Variants in DLGAP4 observed in about 807,000 individuals in gnomAD.
DLGAP4 encodes the protein disks large-associated protein 4.
DLGAP4 carries 18 observed loss-of-function variants against 86.9 expected under a neutral mutation model. The observed-to-expected ratio is 0.21, with a 90% confidence interval of 0.14 to 0.31. The LOEUF (loss-of-function observed/expected upper bound fraction) is 0.31, where lower values mean the gene tolerates loss of function less well. DLGAP4 is among the 10% of genes least tolerant of loss of function. The pLI is 1.00. For missense variants in DLGAP4, 1,085 were observed against 1,362.6 expected, an observed-to-expected ratio of 0.80 and a Z score of 3.21; for synonymous variants, 548 against 574.3, an observed-to-expected ratio of 0.95 and a Z score of 0.65.
chr20:36,510,281 T>G (rs1024231299), intron 10 of DLGAP4, among the ~76,000 whole-genome samples: 1 of 151,878 alleles, frequency 6.6e-6, no homozygotes. Flanking sequence ...AATTTTATTT[T>G]TTTGGCGAGT....
intron 7 of DLGAP4, among the ~76,000 whole-genome samples, chr20:36,488,685 C>G (rs1257895496): frequency 2.0e-5 from 3 of 151,502 alleles, no homozygotes; most frequent in Non-Finnish European, 4.4e-5. Flanking sequence ...TCAAGTGATT[C>G]TCCCACCTCA....
intron 2 of DLGAP4, among the ~76,000 whole-genome samples, chr20:36,425,713 C>G (rs546308895): frequency 0.14 from 21,774 of 151,988 alleles, 1,677 homozygotes; most frequent in African/African-American, 0.19. Context: ...CCCAGCTACT[C>G]GGGTTGCTGA....
chr20:36,498,787 G>A (rs1366519968), intron 8 of DLGAP4: 2 of 158,488 alleles, frequency 1.3e-5, no homozygotes, highest in Non-Finnish European at 2.8e-5. Context: ...CTTGAGTGAT[G>A]ATAGGAAAGC....
chr20:36,468,599 C>T (rs374979375), intron 7 of DLGAP4, among the ~76,000 whole-genome samples: 88 of 152,394 alleles, frequency 5.8e-4, no homozygotes, highest in African/African-American at 2.1e-3. Context: ...AACCACATGG[C>T]AGGCACAGCC....
intron 1 of DLGAP4, among the ~76,000 whole-genome samples, chr20:36,344,943 C>T (rs2029892379): frequency 6.6e-6 from 1 of 152,328 alleles, no homozygotes; most frequent in East Asian, 1.9e-4. Flanking sequence ...GTCTCAGCAC[C>T]TCCACACCCC....
At chr20:36,501,665 C>G (rs187032400) in intron 10 of DLGAP4, among the ~76,000 whole-genome samples, 16 of 152,198 alleles carry the variant, frequency 1.1e-4, no homozygotes, top group African/African-American at 3.9e-4. Context: ...AGCTACTCCT[C>G]CACACTCAGG....
At chr20:36,401,028 G>A (rs879646340) in intron 2 of DLGAP4, among the ~76,000 whole-genome samples, 3 of 152,020 alleles carry the variant, frequency 2.0e-5, no homozygotes, top group African/African-American at 2.4e-5. Flanking sequence ...ATCCCACAGA[G>A]AGGCCAGTCA....
At chr20:36,378,604 C>T (rs554163065) in intron 2 of DLGAP4, among the ~76,000 whole-genome samples, 10 of 152,016 alleles carry the variant, frequency 6.6e-5, no homozygotes, top group Admixed American at 4.6e-4. Context: ...ACCAGTCCCT[C>T]CATACACACA....
At chr20:36,468,917 T>C (rs1193037083) in intron 7 of DLGAP4, among the ~76,000 whole-genome samples, 2 of 152,242 alleles carry the variant, frequency 1.3e-5, no homozygotes, top group African/African-American at 4.8e-5. Flanking sequence ...GTAAATTTGC[T>C]CATTCTCCCG....
chr20:36,357,272 G>A (rs185596161), intron 1 of DLGAP4, among the ~76,000 whole-genome samples: 42 of 152,110 alleles, frequency 2.8e-4, no homozygotes, highest in African/African-American at 9.9e-4. Context: ...CCCTCTTCCC[G>A]CCTTTTGTAC....
chr20:36,473,313 C>G (rs2034759945), intron 7 of DLGAP4: 1 of 152,274 alleles, frequency 6.6e-6, no homozygotes, highest in Admixed American at 6.5e-5. Context: ...CTGCTGGCTT[C>G]TCACCATTTT....
At chr20:36,330,851 GCGT>G (rs1161543585) in intron 1 of DLGAP4, among the ~76,000 whole-genome samples, 1 of 152,228 alleles carries the variant, frequency 6.6e-6, no homozygotes, top group African/African-American at 2.4e-5. Flanking sequence ...GGGATTACAG[GCGT>G]GAGCCGCCAC....
chr20:36,348,604 A>G (rs2030024022), intron 1 of DLGAP4, among the ~76,000 whole-genome samples: 1 of 151,692 alleles, frequency 6.6e-6, no homozygotes, highest in African/African-American at 2.4e-5. Context: ...TTTTTAGTAG[A>G]GACAAGGTTT....
At chr20:36,388,596 C>T (rs1454474385) in intron 2 of DLGAP4, among the ~76,000 whole-genome samples, 1 of 152,212 alleles carries the variant, frequency 6.6e-6, no homozygotes, top group African/African-American at 2.4e-5. Context: ...GAACTTGAGT[C>T]AGACACATTG....
At chr20:36,310,764 G>T (rs912185836) in intron 1 of DLGAP4, among the ~76,000 whole-genome samples, 1 of 152,168 alleles carries the variant, frequency 6.6e-6, no homozygotes, top group Non-Finnish European at 1.5e-5. Context: ...TGGCATCAGC[G>T]TGGGGCTGGC....
intron 5 of DLGAP4, among the ~76,000 whole-genome samples, chr20:36,440,288 G>A (rs760848988): frequency 6.6e-6 from 1 of 152,118 alleles, no homozygotes; most frequent in Non-Finnish European, 1.5e-5. Context: ...TCTATCTGGG[G>A]GCTGTTGAGA....
intron 10 of DLGAP4, chr20:36,511,145 T>C (rs1408574057): frequency 6.6e-6 from 1 of 152,238 alleles, no homozygotes; most frequent in Non-Finnish European, 1.5e-5. Context: ...AATCCTATTA[T>C]ATCCTTCTAT....
chr20:36,306,787 G>A lies in DLGAP4; in HGVS notation c.-304+275G>A, dbSNP rs563882645. 3.2e-4 allele frequency among the ~76,000 whole-genome samples: 49 copies of A among 152,288 alleles called. No individual in the cohort carries two copies. The highest frequency in any genetic ancestry group is 1.2e-3 in the African/African-American group (48 of 41,572). On this transcript the variant is annotated intron_variant, in intron 1 of 12. Transcript: ENST00000339266. This position sits in a 1 kb window ranked among gnomAD's most constrained non-coding sequence, Gnocchi z 4.9. ...TCAAATCGGGGGCGGCGGCACCGGG[G>A]CCCGGAACCCCTGTCCGGGACCGGA...
intron 7 of DLGAP4, among the ~76,000 whole-genome samples, chr20:36,459,789 T>A (rs1414689064): frequency 2.0e-5 from 3 of 152,230 alleles, no homozygotes; most frequent in African/African-American, 7.2e-5. Flanking sequence ...GTATTTTTAG[T>A]AGAGACGGGA....
Sources: gnomAD v4.1 joint callset for allele counts (sites outside exome capture counted in the v4.1 genomes callset) on GRCh38, gnomAD v4.1.1 for gene constraint, Gnocchi (gnomAD v3.1) non-coding constraint, MANE v1.5 for transcripts, NCBI Gene and HGNC (gene_info 2026-07-23, HGNC 2026-07-21) for gene names.